INPP4B: variants seen among roughly 807,000 people sequenced by gnomAD.
INPP4B encodes inositol polyphosphate-4-phosphatase type II B, also known as inositol polyphosphate 4-phosphatase type II.
In INPP4B, 55 loss-of-function variants were observed where a neutral mutation model predicts 122.5. That is an observed-to-expected ratio of 0.45 (90% CI 0.36 to 0.56). The LOEUF is 0.56. Among genes scored for constraint, INPP4B ranks in the 20% least tolerant of loss-of-function variants. The pLI is 0.00. For missense variants in INPP4B, 1,000 were observed against 1,097.7 expected (o/e 0.91, Z 1.26); for synonymous variants, 403 against 388.7 (o/e 1.04, Z -0.43).
intron 25 of INPP4B, among the ~76,000 whole-genome samples, chr4:142,055,230 A>C (rs1756976822): frequency 6.6e-6 from 1 of 152,160 alleles, no homozygotes; most frequent in Non-Finnish European, 1.5e-5. Context: ...TTTGATGGTT[A>C]AATAAACCAC....
chr4:142,358,651 A>T (rs73850862), intron 7 of INPP4B, among the ~76,000 whole-genome samples: 15 of 12,936 alleles, frequency 1.2e-3, no homozygotes, highest in African/African-American at 1.9e-3. Context: ...AGTGATTTAT[A>T]AAAAAAAAAA....
intron 9 of INPP4B, among the ~76,000 whole-genome samples, chr4:142,297,250 T>C (rs1759153081): frequency 6.6e-6 from 1 of 152,162 alleles, no homozygotes; most frequent in Admixed American, 6.5e-5. Context: ...GATGCCAGAG[T>C]GATTAAAGCC....
At chr4:142,775,563 T>C (rs1773754553) in intron 1 of INPP4B, among the ~76,000 whole-genome samples, 2 of 135,434 alleles carry the variant, frequency 1.5e-5, no homozygotes, top group African/African-American at 5.5e-5. Flanking sequence ...TTAATGGAGA[T>C]GGGGTCTCAC....
At chr4:142,577,314 C>T (rs895483684) in intron 2 of INPP4B, among the ~76,000 whole-genome samples, 16 of 151,920 alleles carry the variant, frequency 1.1e-4, no homozygotes, top group Non-Finnish European at 2.1e-4. Context: ...TCAAGCCTAC[C>T]AACATGAGAT....
chr4:142,384,980 T>C (rs1369913312), intron 7 of INPP4B, among the ~76,000 whole-genome samples: 5 of 152,250 alleles, frequency 3.3e-5, no homozygotes. Flanking sequence ...ATGATGCATA[T>C]GTACCTCATT....
In INPP4B at chr4:142,391,494, A is replaced by G. The variant is rs151181426; in HGVS notation, c.372+11444T>C. Among the ~76,000 whole-genome samples the G allele has an allele frequency of 8.5e-3, 1,289 of 152,262 alleles. 20 individuals are homozygous for G. The highest frequency in any genetic ancestry group is 0.03 in the African/African-American group (1,233 of 41,556). On this transcript the variant is annotated intron_variant, in intron 7 of 25. Transcript: ENST00000262992. ...GGAGAATCGCTTGAACCCAGGAAGC[A>G]GAGGTTGCAGTAAGCCGAGATCGTG...
chr4:142,316,406 A>G (rs1198297816), intron 7 of INPP4B, among the ~76,000 whole-genome samples: 1 of 152,192 alleles, frequency 6.6e-6, no homozygotes, highest in African/African-American at 2.4e-5. Context: ...GGTGGTGGAC[A>G]ATGTATTGTG....
chr4:142,115,685 T>C (rs1343364484), intron 21 of INPP4B, among the ~76,000 whole-genome samples: 1 of 152,110 alleles, frequency 6.6e-6, no homozygotes, highest in Non-Finnish European at 1.5e-5. Context: ...AAGGAACAAC[T>C]GGTAGCAGCC....
intron 14 of INPP4B, among the ~76,000 whole-genome samples, chr4:142,199,378 A>G (rs1327276583): frequency 1.3e-5 from 2 of 152,020 alleles, no homozygotes; most frequent in Admixed American, 6.6e-5. Flanking sequence ...GTACACACAC[A>G]TCTCAGGAAT....
At chr4:142,712,802 C>T (rs762213844) in intron 2 of INPP4B, among the ~76,000 whole-genome samples, 2 of 152,206 alleles carry the variant, frequency 1.3e-5, no homozygotes. Context: ...TTAATTTTCT[C>T]TCAACATCCC....
chr4:142,822,008 C>A (rs930991092), intron 1 of INPP4B, among the ~76,000 whole-genome samples: 2 of 152,130 alleles, frequency 1.3e-5, no homozygotes, highest in Non-Finnish European at 2.9e-5. Flanking sequence ...GGGAAGATGG[C>A]CTTCATTCCC....
chr4:142,726,515 TC>T (rs1372757065), intron 1 of INPP4B, among the ~76,000 whole-genome samples: 2 of 152,198 alleles, frequency 1.3e-5, no homozygotes, highest in Non-Finnish European at 2.9e-5. Context: ...TATATCTTAT[TC>T]CCTGCCTTAA....
intron 25 of INPP4B, among the ~76,000 whole-genome samples, chr4:142,048,718 C>T (rs1362386784): frequency 1.3e-5 from 2 of 151,800 alleles, no homozygotes; most frequent in Admixed American, 6.6e-5. Flanking sequence ...AGCTTGAGAG[C>T]TGGTTAAAGA....
At chr4:142,831,999 A>G (rs1726207354) in intron 1 of INPP4B, among the ~76,000 whole-genome samples, 1 of 152,220 alleles carries the variant, frequency 6.6e-6, no homozygotes, top group Non-Finnish European at 1.5e-5. Context: ...AAAATAAAAT[A>G]TATTTTGTGC....
At chr4:142,423,335 T>C (rs2149323311) in intron 5 of INPP4B, among the ~76,000 whole-genome samples, 1 of 152,244 alleles carries the variant, frequency 6.6e-6, no homozygotes, top group African/African-American at 2.4e-5. Flanking sequence ...AGACATTTTC[T>C]TGTGCAGATT....
At chr4:142,463,070 G>A (rs1353649579) in intron 2 of INPP4B, among the ~76,000 whole-genome samples, 2 of 152,146 alleles carry the variant, frequency 1.3e-5, no homozygotes, top group South Asian at 2.1e-4. Context: ...TAACTCAGCA[G>A]GCCTGAGTTC....
At chr4:142,077,092 G>T (rs1771185306) in intron 25 of INPP4B, among the ~76,000 whole-genome samples, 1 of 151,914 alleles carries the variant, frequency 6.6e-6, no homozygotes, top group African/African-American at 2.4e-5. Flanking sequence ...AATTACAGGC[G>T]CAACATGTTG....
At chr4:142,831,434 A>G (rs1782126805) in intron 1 of INPP4B, among the ~76,000 whole-genome samples, 1 of 152,244 alleles carries the variant, frequency 6.6e-6, no homozygotes, top group African/African-American at 2.4e-5. Context: ...CCATTGAGCA[A>G]AAGAATTGTG....
At chr4:142,466,733 G>C (rs1817861656) in intron 2 of INPP4B, among the ~76,000 whole-genome samples, 1 of 152,188 alleles carries the variant, frequency 6.6e-6, no homozygotes, top group Admixed American at 6.5e-5. Context: ...CTTCAAGGAA[G>C]ACCCTGCCAT....
Sources: gnomAD v4.1 joint callset for allele counts (sites outside exome capture counted in the v4.1 genomes callset) on GRCh38, gnomAD v4.1.1 for gene constraint, MANE v1.5 for transcripts, NCBI Gene and HGNC (gene_info 2026-07-23, HGNC 2026-07-21) for gene names.